SKAP2: variants seen among roughly 807,000 people sequenced by gnomAD.
The protein encoded by SKAP2 is src kinase-associated phosphoprotein 2.
In SKAP2, 28 loss-of-function variants were observed where a neutral mutation model predicts 54.9. The observed-to-expected ratio is 0.51, with a 90% CI of 0.38 to 0.70. The LOEUF is 0.70. Ranked by LOEUF, SKAP2 falls within the 30% of genes least tolerant of loss-of-function variation. The pLI is 0.00. For synonymous variants in SKAP2, 137 were observed against 134.3 expected, an observed-to-expected ratio of 1.02 and a Z score of -0.14; for missense variants, 356 against 424.1, an observed-to-expected ratio of 0.84 and a Z score of 1.41.
downstream of SKAP2, among the ~76,000 whole-genome samples, chr7:26,666,307 T>A (rs528867295): frequency 2.8e-4 from 42 of 152,292 alleles, no homozygotes; most frequent in African/African-American, 9.9e-4. Flanking sequence ...TTAGGGTTAA[T>A]TTTCTTCTAA....
Position 26,813,120 on chromosome 7 carries a change from T to A in SKAP2, c.307+30910A>T, listed in dbSNP as rs183471603. ...GATGTTCTACTAACTTCAATTTTTT[T>A]AAAAATTATTAGTTAAATTTTCTCT... On this transcript the variant is annotated intron_variant, in intron 4 of 12. Transcript: ENST00000345317. Among the ~76,000 whole-genome samples the A allele has an allele frequency of 2.8e-3, 420 of 152,096 alleles. 1 individual carries two copies. The highest frequency in any genetic ancestry group is 0.024 in the Middle Eastern group (7 of 294).
intron 4 of SKAP2, among the ~76,000 whole-genome samples, chr7:26,789,364 G>T (rs547060831): frequency 6.6e-6 from 1 of 152,266 alleles, no homozygotes; most frequent in Admixed American, 6.5e-5. Flanking sequence ...GGCCCAACAT[G>T]TATCATTAAC....
intron 4 of SKAP2, among the ~76,000 whole-genome samples, chr7:26,784,143 T>C (rs1400354068): frequency 6.6e-6 from 1 of 151,558 alleles, no homozygotes; most frequent in Non-Finnish European, 1.5e-5. Flanking sequence ...AAAAAAATTA[T>C]GTAAACGAGT....
At chr7:26,806,110 T>C (rs1716792263) in intron 4 of SKAP2, among the ~76,000 whole-genome samples, 2 of 152,212 alleles carry the variant, frequency 1.3e-5, no homozygotes, top group South Asian at 4.1e-4. Context: ...ATTGTGTATG[T>C]TTTGATTGTT....
chr7:26,829,361 C>G (rs563386708), intron 4 of SKAP2, among the ~76,000 whole-genome samples: 29 of 152,228 alleles, frequency 1.9e-4, no homozygotes, highest in African/African-American at 7.0e-4. Flanking sequence ...AAGTGAAACC[C>G]TGTCTCTACA....
chr7:26,827,047 T>C (rs1784505448), intron 4 of SKAP2, among the ~76,000 whole-genome samples: 1 of 152,168 alleles, frequency 6.6e-6, no homozygotes, highest in Non-Finnish European at 1.5e-5. Flanking sequence ...GAAAGAAATA[T>C]ATGTGTATTT....
At chr7:26,690,246 G>T in intron 10 of SKAP2, 39 bp downstream of exon 10, 1 of 1,367,812 alleles carries the variant, frequency 7.3e-7, no homozygotes, top group Non-Finnish European at 1.0e-6. Flanking sequence ...GTGAACAAAA[G>T]CAAAATAAGG....
chr7:26,781,398 G>T (rs1004597667), intron 4 of SKAP2, among the ~76,000 whole-genome samples: 3 of 151,976 alleles, frequency 2.0e-5, no homozygotes, highest in African/African-American at 7.3e-5. Context: ...ATTTATAACA[G>T]TTAAAAAATC....
At chr7:26,725,627 A>C in intron 8 of SKAP2, 62 bp from the exon 9 acceptor site, 3 of 1,402,666 alleles carry the variant, frequency 2.1e-6, no homozygotes, top group Non-Finnish European at 2.9e-6. Flanking sequence ...TTAAAACTAT[A>C]CTTTATAAAT....
chr7:26,702,259 A>T (rs1037048214), intron 9 of SKAP2, among the ~76,000 whole-genome samples: 5 of 151,804 alleles, frequency 3.3e-5, no homozygotes, highest in Non-Finnish European at 7.4e-5. Context: ...GGCTCATGTG[A>T]TCCTCCCAAG....
chr7:26,749,911 C>A (rs1353164102), intron 4 of SKAP2, among the ~76,000 whole-genome samples: 1 of 149,118 alleles, frequency 6.7e-6, no homozygotes, highest in African/African-American at 2.5e-5. Flanking sequence ...CAAATAACAG[C>A]ACTGCAACAG....
chr7:26,707,194 T>C (rs1787180212), intron 9 of SKAP2, among the ~76,000 whole-genome samples: 2 of 151,856 alleles, frequency 1.3e-5, no homozygotes, highest in Non-Finnish European at 2.9e-5. Flanking sequence ...ATCTTGTCTC[T>C]ACTAAAAATA....
chr7:26,762,581 T>C (rs1361321743), intron 4 of SKAP2, among the ~76,000 whole-genome samples: 1 of 151,996 alleles, frequency 6.6e-6, no homozygotes, highest in Admixed American at 6.6e-5. Context: ...CTCATGCCTG[T>C]AATCCCAGCA....
intron 9 of SKAP2, among the ~76,000 whole-genome samples, chr7:26,722,385 A>ATTTTTTTTT (rs35643377): frequency 3.4e-5 from 3 of 89,056 alleles, no homozygotes; most frequent in African/African-American, 4.5e-5. Context: ...ATGCAATGCA[A>ATTTTTTTTT]TTTTTTTTTT....
chr7:26,823,425 C>CA (rs60207927), intron 4 of SKAP2, among the ~76,000 whole-genome samples: 40,408 of 93,886 alleles, frequency 0.43, 9,249 homozygotes, highest in South Asian at 0.53. Flanking sequence ...GACTTTGTCT[C>CA]AAAAAAAAAA....
intron 4 of SKAP2, among the ~76,000 whole-genome samples, chr7:26,774,781 T>C (rs1221376743): frequency 6.6e-6 from 1 of 152,190 alleles, no homozygotes; most frequent in Non-Finnish European, 1.5e-5. Context: ...GAGATGTGGA[T>C]AACACCAATA....
At chr7:26,769,447 C>T (rs1472061090) in intron 4 of SKAP2, among the ~76,000 whole-genome samples, 3 of 152,136 alleles carry the variant, frequency 2.0e-5, no homozygotes, top group Non-Finnish European at 4.4e-5. Flanking sequence ...CTTCTGAAGC[C>T]TATTTCTGTC....
At chr7:26,767,987 T>C (rs10232770) in intron 4 of SKAP2, among the ~76,000 whole-genome samples, 57,949 of 152,046 alleles carry the variant, frequency 0.38, 11,620 homozygotes, top group Middle Eastern at 0.48. Context: ...TCCACTTGGT[T>C]CAGAGCTGAG....
intron 4 of SKAP2, among the ~76,000 whole-genome samples, chr7:26,764,178 A>T (rs1321077822): frequency 1.3e-5 from 2 of 152,194 alleles, no homozygotes; most frequent in Non-Finnish European, 2.9e-5. Context: ...ACGTGACTTG[A>T]TATGTATGTG....
Sources: allele counts gnomAD v4.1 joint callset (sites outside exome capture counted in the v4.1 genomes callset), GRCh38; gene constraint gnomAD v4.1.1; transcripts MANE v1.5; gene names NCBI Gene and HGNC (gene_info 2026-07-23, HGNC 2026-07-21).